Variants in B3GALT1 observed in about 807,000 individuals in gnomAD.
B3GALT1 encodes UDP-Gal:betaGlcNAc beta 1,3-galactosyltransferase, polypeptide 1.
A neutral mutation model predicts 23.2 loss-of-function variants in B3GALT1; 10 were observed. The ratio of observed to expected loss-of-function variants is 0.43; its 90% CI spans 0.27 to 0.73. The LOEUF is 0.73. Among genes scored for constraint, B3GALT1 ranks in the 30% least tolerant of loss-of-function variants. The pLI, the probability that B3GALT1 is intolerant of heterozygous loss-of-function variation, is 0.21. For synonymous variants in B3GALT1, 156 were observed against 141.5 expected (o/e 1.10, Z -0.73); for missense variants, 299 against 405.4 (o/e 0.74, Z 2.25).
chr2:167,306,844 A>T (rs569029380), intron 1 of B3GALT1, among the ~76,000 whole-genome samples: 1 of 152,008 alleles, frequency 6.6e-6, no homozygotes, highest in Non-Finnish European at 1.5e-5. Flanking sequence ...CTCAGTAAGC[A>T]CTTATGCTGG....
intron 1 of B3GALT1, among the ~76,000 whole-genome samples, chr2:167,296,569 C>A (rs1696352820): frequency 6.6e-6 from 1 of 152,118 alleles, no homozygotes; most frequent in African/African-American, 2.4e-5. Flanking sequence ...GCATTTGAAA[C>A]AAATTGACTA....
At chr2:167,445,176 G>T (rs977883018) in intron 1 of B3GALT1, among the ~76,000 whole-genome samples, 2 of 152,224 alleles carry the variant, frequency 1.3e-5, no homozygotes, top group South Asian at 2.1e-4. Flanking sequence ...TGAGCAGTTT[G>T]GAGTGAGTTT....
intron 1 of B3GALT1, among the ~76,000 whole-genome samples, chr2:167,349,868 C>T (rs531016250): frequency 7.9e-5 from 12 of 151,846 alleles, no homozygotes; most frequent in Admixed American, 3.3e-4. Context: ...TTTTTAATGG[C>T]GCATACTTAC....
At chr2:167,396,534 A>ATGTGTGTGTGTG (rs67013700) in intron 1 of B3GALT1, among the ~76,000 whole-genome samples, 2 of 142,154 alleles carry the variant, frequency 1.4e-5, no homozygotes, top group African/African-American at 5.4e-5. Flanking sequence ...ATATATATAT[A>ATGTGTGTGTGTG]TGTGTGTGTG....
chr2:167,431,816 TG>T lies in B3GALT1; in HGVS notation c.-510-58354del, dbSNP rs138907710. 4.7e-3 allele frequency among the ~76,000 whole-genome samples: 718 copies of T among 152,176 alleles called. 6 individuals carry two copies. The highest frequency in any genetic ancestry group is 0.018 in the East Asian group (94 of 5,176). On this transcript the variant is annotated intron_variant, in intron 1 of 4. Coordinates refer to ENST00000392690, the MANE Select transcript of B3GALT1 (RefSeq NM_020981.4). ...CTAGGAAAAGAAGATAGCTTGGAAT[TG>T]GGGGGGAAGGGGATTATCCCCCTCT...
chr2:167,715,019 T>C, intron 3 of B3GALT1: 1 of 1,611,688 alleles, frequency 6.2e-7, no homozygotes, highest in African/African-American at 1.3e-5. Flanking sequence ...CTCGGTAAGC[T>C]CTTCCTTTGT....
chr2:167,421,231 A>T (rs1247762206), intron 1 of B3GALT1, among the ~76,000 whole-genome samples: 1 of 152,220 alleles, frequency 6.6e-6, no homozygotes, highest in Non-Finnish European at 1.5e-5. Context: ...AGGAATTCTG[A>T]TCTTTAGTTG....
chr2:167,390,682 T>C (rs1698004751), intron 1 of B3GALT1, among the ~76,000 whole-genome samples: 1 of 152,210 alleles, frequency 6.6e-6, no homozygotes, highest in South Asian at 2.1e-4. Flanking sequence ...TCTCGATGCT[T>C]GTACTTATTT....
intron 2 of B3GALT1, among the ~76,000 whole-genome samples, chr2:167,517,706 T>C (rs747013366): frequency 6.6e-6 from 1 of 152,074 alleles, no homozygotes; most frequent in Non-Finnish European, 1.5e-5. Flanking sequence ...AACTTTAAAC[T>C]AGCTTTGTAG....
At chr2:167,573,698 T>G (rs1684336706) in intron 2 of B3GALT1, among the ~76,000 whole-genome samples, 1 of 151,752 alleles carries the variant, frequency 6.6e-6, no homozygotes, top group East Asian at 1.9e-4. Flanking sequence ...TTGTACTTAA[T>G]TTTTCACTTA....
chr2:167,755,560 C>T (rs1574246540), intron 3 of B3GALT1, among the ~76,000 whole-genome samples: 2 of 150,688 alleles, frequency 1.3e-5, no homozygotes, highest in African/African-American at 2.4e-5. Context: ...AAACCTCACC[C>T]ACCTAACTGC....
At chr2:167,515,664 A>T (rs1425208528) in intron 2 of B3GALT1, among the ~76,000 whole-genome samples, 2 of 152,058 alleles carry the variant, frequency 1.3e-5, no homozygotes, top group East Asian at 3.9e-4. Flanking sequence ...TTTGATCTTA[A>T]ACTACCTTCA....
rs888352867 is a variant in B3GALT1, at chr2:167,593,167, T to C, written c.-409-53742T>C. On this transcript the variant is annotated intron_variant, in intron 2 of 4. Coordinates refer to ENST00000392690, the MANE Select transcript of B3GALT1 (RefSeq NM_020981.4). Reference sequence around the variant, plus strand: ...AAGATAGCTGTGCAAGAATATTATTTTTAGCATTCATCATAATAGAAAAAA... The same window carrying C: ...AAGATAGCTGTGCAAGAATATTATTCTTAGCATTCATCATAATAGAAAAAA... Among the ~76,000 whole-genome samples the C allele has an allele frequency of 3.9e-5, 6 of 152,330 alleles. 1 individual carries two copies.
chr2:167,806,001 C>CA (rs762098677), intron 3 of B3GALT1, among the ~76,000 whole-genome samples: 4,447 of 151,294 alleles, frequency 0.029, 101 homozygotes, highest in South Asian at 0.054. Flanking sequence ...TCTTTTATTT[C>CA]CTCGAGCAGT....
chr2:167,472,953 A>G (rs1343676685), intron 1 of B3GALT1, among the ~76,000 whole-genome samples: 4 of 152,080 alleles, frequency 2.6e-5, no homozygotes, highest in South Asian at 4.1e-4. Flanking sequence ...ATGTTAAGTC[A>G]TTTTCCATGT....
intron 3 of B3GALT1, among the ~76,000 whole-genome samples, chr2:167,797,288 T>G (rs1688559303): frequency 6.6e-6 from 1 of 152,184 alleles, no homozygotes; most frequent in Non-Finnish European, 1.5e-5. Flanking sequence ...CCATCCATGT[T>G]TCTGCAAAGG....
chr2:167,539,674 A>G (rs1251340248), intron 2 of B3GALT1, among the ~76,000 whole-genome samples: 2 of 152,174 alleles, frequency 1.3e-5, no homozygotes, highest in South Asian at 2.1e-4. Context: ...CTCTTCTCAT[A>G]TAACTCTGTT....
chr2:167,616,533 C>T (rs747617011), intron 2 of B3GALT1, among the ~76,000 whole-genome samples: 7 of 151,986 alleles, frequency 4.6e-5, no homozygotes, highest in African/African-American at 7.2e-5. Context: ...GAAACCCCGT[C>T]GCTACTAAAA....
In B3GALT1 at chr2:167,837,129, A is replaced by AAATAACCAGCTAACATCAT. The variant is rs1689498680; in HGVS notation, c.-230+18340_-230+18358dup. ...AAGAAACTGCATCAACTAAGGAGCA[A>AAATAACCAGCTAACATCAT]AATAACCAGCTAACATCATAATGAC... On this transcript the variant is annotated intron_variant, in intron 4 of 4. Transcript: ENST00000392690. 3.3e-5 allele frequency among the ~76,000 whole-genome samples: 5 copies of AAATAACCAGCTAACATCAT among 152,356 alleles called. No individual in the cohort carries two copies. In the South Asian group the frequency reaches 8.3e-4, roughly 25 times the overall value.
Sources: allele counts gnomAD v4.1 joint callset (sites outside exome capture counted in the v4.1 genomes callset), GRCh38; gene constraint gnomAD v4.1.1; transcripts MANE v1.5; gene names NCBI Gene and HGNC (gene_info 2026-07-23, HGNC 2026-07-21).